Variants in AGO2 observed in about 807,000 individuals in gnomAD.
AGO2 encodes the protein protein argonaute-2.
In AGO2, 5 loss-of-function variants were observed where a neutral mutation model predicts 102.3. The ratio of observed to expected loss-of-function variants is 0.05; its 90% CI spans 0.03 to 0.10. The LOEUF is 0.10. AGO2 is among the 10% of genes least tolerant of loss of function. The pLI, the probability that AGO2 is intolerant of heterozygous loss-of-function variation, is 1.00. For missense variants in AGO2, 541 were observed against 1,183.7 expected (o/e 0.46, Z 7.97); for synonymous variants, 449 against 473.1 (o/e 0.95, Z 0.66).
At chr8:140,588,884 G>A (rs191883736) in intron 1 of AGO2, among the ~76,000 whole-genome samples, 28 of 152,386 alleles carry the variant, frequency 1.8e-4, no homozygotes, top group Admixed American at 1.5e-3. Context: ...CAGCCGTGCC[G>A]TGTTCACTGA....
intron 10 of AGO2, among the ~76,000 whole-genome samples, chr8:140,554,987 C>T (rs2073070660): frequency 6.6e-6 from 1 of 152,108 alleles, no homozygotes; most frequent in Non-Finnish European, 1.5e-5. Flanking sequence ...GCTCAGAACC[C>T]ATATTTTAAA....
At chr8:140,610,261 G>C (rs1472525114) in intron 1 of AGO2, among the ~76,000 whole-genome samples, 1 of 151,966 alleles carries the variant, frequency 6.6e-6, no homozygotes, top group Non-Finnish European at 1.5e-5. Context: ...GCAAAGACAA[G>C]AGATCAGGAA....
At chr8:140,584,154 C>G (rs201973404) in intron 2 of AGO2, among the ~76,000 whole-genome samples, 1 of 123,244 alleles carries the variant, frequency 8.1e-6, no homozygotes, top group African/African-American at 3.0e-5. Flanking sequence ...AAAAAAAAAA[C>G]AAAACAGGCA....
Position 140,540,245 on chromosome 8 carries a change from G to A in AGO2, c.2035-791C>T, listed in dbSNP as rs372954807. On this transcript the variant is annotated intron_variant, in intron 15 of 18. Coordinates refer to ENST00000220592, the MANE Select transcript of AGO2 (RefSeq NM_012154.5). This position sits in a 1 kb window ranked among gnomAD's most constrained non-coding sequence, Gnocchi z 5.0. ...GAGCTCTGCTTCCGCTCTGGACTGG[G>A]AAGGCAAATGGGGGAGGCTGGGCTG... 7.2e-5 allele frequency among the ~76,000 whole-genome samples: 11 copies of A among 152,208 alleles called. No homozygotes were observed. The highest frequency in any genetic ancestry group is 2.7e-4 in the African/African-American group (11 of 41,454).
chr8:140,611,256 C>G (rs368499434), intron 1 of AGO2, among the ~76,000 whole-genome samples: 1 of 152,192 alleles, frequency 6.6e-6, no homozygotes, highest in Non-Finnish European at 1.5e-5. Context: ...GGGGACGAAG[C>G]CAGCCTACCT....
In AGO2 at chr8:140,524,640, C is replaced by T. The variant is rs1342913370; in HGVS notation, c.*7404G>A. ...GACTTTAAAGGCACAGAGTCTGAGA[C>T]TGGGTCTTCCAGAACGCGATCAGGC... On this transcript the variant is annotated 3_prime_UTR_variant, in exon 19 of 19. Coordinates refer to ENST00000220592, the MANE Select transcript of AGO2 (RefSeq NM_012154.5). 6.6e-6 allele frequency: 1 copy of T among 152,318 alleles called. No homozygotes were observed. Among genetic ancestry groups the T allele is most frequent in the East Asian group, 1.9e-4 (1 of 5,200 alleles). The allele number at this position is 152,318 out of a possible 1,614,324, so 9.4% of individuals were successfully genotyped here.
chr8:140,638,622 G>C (rs2074424448), upstream of AGO2, among the ~76,000 whole-genome samples: 1 of 152,224 alleles, frequency 6.6e-6, no homozygotes, highest in South Asian at 2.1e-4. Flanking sequence ...TCACCAAAGT[G>C]AAAGTGTAGT....
chr8:140,641,003 A>AAGCTATCTT, the AGO2 span, among the ~76,000 whole-genome samples: 1 of 152,120 alleles, frequency 6.6e-6, no homozygotes, highest in Admixed American at 6.6e-5. Context: ...AGATAAATAA[A>AAGCTATCTT]AGCTATCTTT....
intron 1 of AGO2, among the ~76,000 whole-genome samples, chr8:140,607,767 C>T (rs2074023165): frequency 6.6e-6 from 1 of 151,856 alleles, no homozygotes; most frequent in East Asian, 1.9e-4. Context: ...GTGGTGGCTG[C>T]CAGGGGGTGG....
At chr8:140,579,239 A>C (rs371305193) in intron 2 of AGO2, among the ~76,000 whole-genome samples, 100 of 152,202 alleles carry the variant, frequency 6.6e-4, no homozygotes, top group African/African-American at 1.9e-3. Context: ...AAAAAAAAAA[A>C]CAAAAAGCTA....
intron 1 of AGO2, among the ~76,000 whole-genome samples, chr8:140,625,107 A>AGTCCCTGCTGCAC (rs2074259756): frequency 6.6e-6 from 1 of 152,144 alleles, no homozygotes; most frequent in African/African-American, 2.4e-5. Context: ...TCCTCTGCTC[A>AGTCCCTGCTGCAC]GTCCCTGCTG....
At chr8:140,620,022 G>A (rs532114747) in intron 1 of AGO2, among the ~76,000 whole-genome samples, 3 of 152,294 alleles carry the variant, frequency 2.0e-5, no homozygotes, top group Admixed American at 2.0e-4. Context: ...GGGATGAAAC[G>A]GGCTGGTGCA....
chr8:140,626,125 C>A (rs770843809), intron 1 of AGO2, among the ~76,000 whole-genome samples: 1 of 150,716 alleles, frequency 6.6e-6, no homozygotes, highest in African/African-American at 2.4e-5. Context: ...CCCGGGGGGG[C>A]ACAGCTGGCG....
intron 1 of AGO2, among the ~76,000 whole-genome samples, chr8:140,617,202 C>T (rs531974708): frequency 6.6e-6 from 1 of 152,260 alleles, no homozygotes; most frequent in South Asian, 2.1e-4. Context: ...ACCTGCTGTA[C>T]ACCAGGCTCT....
chr8:140,540,530 G>A lies in AGO2; in HGVS notation c.2034+634C>T, dbSNP rs1190762356. Among the ~76,000 whole-genome samples, 1 of 152,160 alleles carries A rather than the reference G, an allele frequency of 6.6e-6. No individual in the cohort carries two copies. Among genetic ancestry groups the A allele is most frequent in the Non-Finnish European group, 1.5e-5 (1 of 68,018 alleles). ...TCCAGGCCAAGATGGACTCATTCCT[G>A]CCCACAGGTCACCTTGATCTGGGGG... On this transcript the variant is annotated intron_variant, in intron 15 of 18. Coordinates refer to ENST00000220592, the MANE Select transcript of AGO2 (RefSeq NM_012154.5). This position sits in a 1 kb window ranked among gnomAD's most constrained non-coding sequence, Gnocchi z 5.0.
At chr8:140,571,223 C>T (rs549135199) in intron 3 of AGO2, among the ~76,000 whole-genome samples, 64 of 152,300 alleles carry the variant, frequency 4.2e-4, no homozygotes, top group African/African-American at 1.4e-3. Flanking sequence ...AGCCCTATAT[C>T]GTAACTCGGT....
At chr8:140,552,738 GCGCA>G (rs1356650916) in intron 10 of AGO2, among the ~76,000 whole-genome samples, 34 of 97,344 alleles carry the variant, frequency 3.5e-4, no homozygotes, top group Non-Finnish European at 4.7e-4. Flanking sequence ...ACGCGCGCGC[GCGCA>G]CACACACACA....
At chr8:140,542,487 T>C (rs1402491019) in intron 14 of AGO2, among the ~76,000 whole-genome samples, 1 of 151,602 alleles carries the variant, frequency 6.6e-6, no homozygotes, top group Non-Finnish European at 1.5e-5. Context: ...CAGAAATACA[T>C]TAACATAAAC....
In AGO2 at chr8:140,553,403, TGTTTTTTG is replaced by T. The variant is rs1308022908; in HGVS notation, c.1270-1975_1270-1968del. Among the ~76,000 whole-genome samples, 9 of 130,214 alleles carry T rather than the reference TGTTTTTTG, an allele frequency of 6.9e-5. 2 individuals are homozygous for T. Among genetic ancestry groups the T allele is most frequent in the South Asian group, 4.8e-4 (2 of 4,128 alleles). 85.4% of individuals were successfully genotyped at this position (130,214 alleles called of 152,430 possible). ...TGCCTCAAACAAGTTACAAGTTTTT[TGTTTTTTG>T]TTTTTTTTTTTTTTTGAGACGGAGT... On this transcript the variant is annotated intron_variant, in intron 10 of 18. Transcript: ENST00000220592.
Sources: allele counts gnomAD v4.1 joint callset (sites outside exome capture counted in the v4.1 genomes callset), GRCh38; gene constraint gnomAD v4.1.1; non-coding constraint Gnocchi (gnomAD v3.1); transcripts MANE v1.5; gene names NCBI Gene and HGNC (gene_info 2026-07-23, HGNC 2026-07-21).